The following KCNQ3 variants were observed in gnomAD, a reference collection of about 807,000 sequenced individuals.
KCNQ3 encodes the protein potassium voltage-gated channel subfamily KQT member 3.
KCNQ3 carries 30 observed loss-of-function variants against 92.5 expected under a neutral mutation model. The ratio of observed to expected loss-of-function variants is 0.32; its 90% confidence interval spans 0.24 to 0.44. The LOEUF is 0.44. Ranked by LOEUF, KCNQ3 falls within the 20% of genes least tolerant of loss-of-function variation. The pLI is 1.00. For missense variants in KCNQ3, 913 were observed against 1,140.3 expected, an observed-to-expected ratio of 0.80 and a Z score of 2.87; for synonymous variants, 450 against 468.8, an observed-to-expected ratio of 0.96 and a Z score of 0.52.
At chr8:132,400,089 G>A (rs1336803992) in intron 1 of KCNQ3, among the ~76,000 whole-genome samples, 1 of 152,206 alleles carries the variant, frequency 6.6e-6, no homozygotes, top group Non-Finnish European at 1.5e-5. Context: ...GACCTGAGCA[G>A]TGAGCTGGAA....
At chr8:132,132,082 C>G in intron 14 of KCNQ3, 98 bp downstream of exon 14, 1 of 859,722 alleles carries the variant, frequency 1.2e-6, no homozygotes, top group South Asian at 1.5e-5. Context: ...AGTGAACCTT[C>G]GTCTTAAAAA....
intron 1 of KCNQ3, among the ~76,000 whole-genome samples, chr8:132,207,227 G>A (rs1031555292): frequency 2.0e-5 from 3 of 152,146 alleles, no homozygotes; most frequent in African/African-American, 4.8e-5. Flanking sequence ...TCTGCCAGAT[G>A]GCTTGACTAA....
chr8:132,342,269 C>T (rs1339322866), intron 1 of KCNQ3, among the ~76,000 whole-genome samples: 3 of 152,034 alleles, frequency 2.0e-5, no homozygotes, highest in Non-Finnish European at 4.4e-5. Context: ...TTCACCTCCC[C>T]CTCCCCCTGA....
intron 9 of KCNQ3, among the ~76,000 whole-genome samples, chr8:132,150,346 G>A (rs759807936): frequency 6.6e-6 from 1 of 152,132 alleles, no homozygotes; most frequent in African/African-American, 2.4e-5. Context: ...TCCTGGCCTA[G>A]GGAATTAGTC....
At chr8:132,446,381 GA>G (rs1243016072) in intron 1 of KCNQ3, among the ~76,000 whole-genome samples, 1 of 152,208 alleles carries the variant, frequency 6.6e-6, no homozygotes, top group African/African-American at 2.4e-5. Flanking sequence ...GAAATGAACA[GA>G]TCAAAGGGGC....
chr8:132,255,771 T>C (rs528940080), intron 1 of KCNQ3, among the ~76,000 whole-genome samples: 4 of 152,138 alleles, frequency 2.6e-5, no homozygotes, highest in Non-Finnish European at 5.9e-5. Context: ...TTAAACTAAC[T>C]GAACACAGAC....
chr8:132,280,408 GA>G (rs1286184049), intron 1 of KCNQ3, among the ~76,000 whole-genome samples: 2 of 152,178 alleles, frequency 1.3e-5, no homozygotes, highest in Admixed American at 1.3e-4. Flanking sequence ...GAAGCAGCAG[GA>G]GCAGGCATCT....
At position 132,249,032 on chromosome 8, in the gene KCNQ3, G is replaced by A. The variant is rs575986027; in HGVS notation, c.387-62851C>T. 3.9e-4 allele frequency among the ~76,000 whole-genome samples: 60 copies of A among 152,200 alleles called. 1 individual carries two copies. The East Asian group carries it at 9.5e-3, about 24-fold the overall frequency. ...TTCCTTCTGATGTTTGGATGTGTTC[G>A]GAGTTTCTTCCTTCTGGTGGGTTTG... On this transcript the variant is annotated intron_variant, in intron 1 of 14. Transcript: ENST00000388996.
chr8:132,333,270 T>C (rs1818280019), intron 1 of KCNQ3, among the ~76,000 whole-genome samples: 1 of 151,942 alleles, frequency 6.6e-6, no homozygotes. Context: ...ATGACTTCAG[T>C]GGTAAGAAAG....
At chr8:132,154,577 A>C (rs1362385074) in intron 9 of KCNQ3, among the ~76,000 whole-genome samples, 1 of 152,146 alleles carries the variant, frequency 6.6e-6, no homozygotes, top group Non-Finnish European at 1.5e-5. Flanking sequence ...TAGATGCAGG[A>C]GGCTGGTAAG....
At chr8:132,400,594 C>T (rs929398867) in intron 1 of KCNQ3, among the ~76,000 whole-genome samples, 1 of 152,224 alleles carries the variant, frequency 6.6e-6, no homozygotes, top group African/African-American at 2.4e-5. Context: ...AGCCAGGCTT[C>T]TGAGGAAGCC....
chr8:132,314,072 C>T (rs1002141350), intron 1 of KCNQ3, among the ~76,000 whole-genome samples: 3 of 152,010 alleles, frequency 2.0e-5, no homozygotes, highest in African/African-American at 4.8e-5. Context: ...TACTTCCAAG[C>T]AAATCAACTG....
intron 11 of KCNQ3, among the ~76,000 whole-genome samples, chr8:132,138,912 A>G (rs1825194184): frequency 6.6e-6 from 1 of 152,212 alleles, no homozygotes; most frequent in Non-Finnish European, 1.5e-5. Flanking sequence ...CCACTTTATA[A>G]GCCTTCTCTT....
In KCNQ3 at chr8:132,137,146, T is replaced by C. The variant is rs140564480; in HGVS notation, c.1700+739A>G. On this transcript the variant is annotated intron_variant, in intron 12 of 14. Coordinates refer to ENST00000388996, the MANE Select transcript of KCNQ3 (RefSeq NM_004519.4). ...TTGGCCTCCCAAAGTGCTGGGGTTA[T>C]AGGCATGAGCCACTGTGCCCAACCA... Among the ~76,000 whole-genome samples, 283 of 152,164 alleles carry C rather than the reference T, an allele frequency of 1.9e-3. 2 individuals are homozygous for C. The highest frequency in any genetic ancestry group is 6.5e-3 in the African/African-American group (272 of 41,538).
intron 1 of KCNQ3, among the ~76,000 whole-genome samples, chr8:132,369,568 A>C (rs1819414678): frequency 8.1e-6 from 1 of 123,202 alleles, no homozygotes; most frequent in Admixed American, 7.6e-5. Context: ...GGAGGTGCTC[A>C]AACAGCACAC....
At chr8:132,255,616 A>T (rs1815559555) in intron 1 of KCNQ3, among the ~76,000 whole-genome samples, 1 of 152,204 alleles carries the variant, frequency 6.6e-6, no homozygotes, top group African/African-American at 2.4e-5. Context: ...CCTAAGTAAG[A>T]TGTGAAGACA....
intron 1 of KCNQ3, among the ~76,000 whole-genome samples, chr8:132,229,979 G>A (rs911176452): frequency 6.6e-6 from 1 of 152,154 alleles, no homozygotes; most frequent in Admixed American, 6.5e-5. Flanking sequence ...CTGGCTTTCA[G>A]AAGGAAGGGC....
intron 1 of KCNQ3, among the ~76,000 whole-genome samples, chr8:132,455,472 TA>T (rs57405366): frequency 0.022 from 3,360 of 152,356 alleles, 126 homozygotes; most frequent in African/African-American, 0.077. Flanking sequence ...GATATGGACA[TA>T]AGAGGCCTAT....
chr8:132,467,268 T>C (rs1202123024), intron 1 of KCNQ3, among the ~76,000 whole-genome samples: 1 of 152,086 alleles, frequency 6.6e-6, no homozygotes, highest in Non-Finnish European at 1.5e-5. Flanking sequence ...GCCTAGCCCA[T>C]GGCACAGAGA....
Sources: allele counts gnomAD v4.1 joint callset (sites outside exome capture counted in the v4.1 genomes callset), GRCh38; gene constraint gnomAD v4.1.1; transcripts MANE v1.5; gene names NCBI Gene and HGNC (gene_info 2026-07-23, HGNC 2026-07-21).